MOB1B: variants seen among roughly 807,000 people sequenced by gnomAD.
MOB1B encodes the protein MOB kinase activator 1B.
MOB1B carries 19 observed loss-of-function variants against 24.4 expected under a neutral mutation model. The ratio of observed to expected loss-of-function variants is 0.78; its 90% CI spans 0.54 to 1.14. The LOEUF (loss-of-function observed/expected upper bound fraction) is 1.14. Ranked by LOEUF, MOB1B falls within the 50% of genes most tolerant of loss-of-function variation. MOB1B has a pLI of 0.00. For missense variants in MOB1B, 243 were observed against 259.6 expected (o/e 0.94, Z 0.44); for synonymous variants, 76 against 82.1 (o/e 0.93, Z 0.40).
chr4:70,923,013 T>C (rs1051824843), intron 1 of MOB1B, among the ~76,000 whole-genome samples: 1 of 152,100 alleles, frequency 6.6e-6, no homozygotes, highest in Non-Finnish European at 1.5e-5. Flanking sequence ...AGTTTGATTA[T>C]TAAAGGCCAA....
intron 2 of MOB1B, among the ~76,000 whole-genome samples, chr4:70,969,520 A>G (rs138728486): frequency 9.2e-5 from 14 of 152,254 alleles, no homozygotes; most frequent in African/African-American, 3.1e-4. Context: ...GCATCTCACT[A>G]TCATTTCAAT....
chr4:70,910,475 A>G (rs983728680), intron 1 of MOB1B, among the ~76,000 whole-genome samples: 2 of 151,660 alleles, frequency 1.3e-5, no homozygotes, highest in Non-Finnish European at 2.9e-5. Flanking sequence ...ATCTATATAT[A>G]TATTTTTTTC....
chr4:70,928,478 G>A (rs1736745031), intron 1 of MOB1B, among the ~76,000 whole-genome samples: 1 of 151,934 alleles, frequency 6.6e-6, no homozygotes, highest in Non-Finnish European at 1.5e-5. Flanking sequence ...TGTATTTTTA[G>A]TAGAGATGGA....
intron 1 of MOB1B, among the ~76,000 whole-genome samples, chr4:70,912,283 ATT>A (rs57359101): frequency 4.6e-4 from 66 of 142,846 alleles, no homozygotes; most frequent in Non-Finnish European, 4.5e-4. Flanking sequence ...TTTAAATTAA[ATT>A]TTTTTTTTTT....
At chr4:70,964,652 G>A (rs1433212097) in intron 2 of MOB1B, among the ~76,000 whole-genome samples, 2 of 152,292 alleles carry the variant, frequency 1.3e-5, no homozygotes, top group South Asian at 2.1e-4. Context: ...AGGTGAGGCC[G>A]GGTGCGGTGG....
chr4:70,944,478 C>T (rs1161939485), intron 1 of MOB1B, among the ~76,000 whole-genome samples: 1 of 152,070 alleles, frequency 6.6e-6, no homozygotes, highest in African/African-American at 2.4e-5. Flanking sequence ...ATTGACAACT[C>T]GTTTTATTGG....
chr4:70,950,218 CT>C (rs1737746358), intron 1 of MOB1B, among the ~76,000 whole-genome samples: 1 of 151,822 alleles, frequency 6.6e-6, no homozygotes, highest in East Asian at 1.9e-4. Flanking sequence ...GGCAGATCTC[CT>C]GAGGTCAGGA....
intron 1 of MOB1B, among the ~76,000 whole-genome samples, chr4:70,945,119 T>G (rs1266937294): frequency 6.6e-6 from 1 of 152,210 alleles, no homozygotes; most frequent in Non-Finnish European, 1.5e-5. Flanking sequence ...GTCATTCTTG[T>G]ACCCAGACTA....
intron 1 of MOB1B, among the ~76,000 whole-genome samples, chr4:70,942,580 G>A (rs1431465248): frequency 2.0e-5 from 3 of 152,072 alleles, no homozygotes; most frequent in African/African-American, 7.2e-5. Flanking sequence ...CTAAACTGTA[G>A]TTTTTAATTG....
intron 1 of MOB1B, among the ~76,000 whole-genome samples, chr4:70,957,189 G>A (rs1206086412): frequency 7.6e-6 from 1 of 132,426 alleles, no homozygotes; most frequent in African/African-American, 2.9e-5. Context: ...TAACATTAAA[G>A]TTTTCCCACT....
intron 2 of MOB1B, among the ~76,000 whole-genome samples, chr4:70,961,086 GATAAAGCTTAATTC>G (rs1341971631): frequency 6.6e-6 from 1 of 152,020 alleles, no homozygotes; most frequent in Non-Finnish European, 1.5e-5. Flanking sequence ...ACGTACCTAT[GATAAAGCTTAATTC>G]ATAAAGCTTA....
Position 70,969,909 on chromosome 4 carries a change from A to G in MOB1B, c.182-22A>G, listed in dbSNP as rs369104867. The G allele has an allele frequency of 3.8e-5, 53 of 1,409,780 alleles. 1 individual carries two copies. Among genetic ancestry groups the G allele is most frequent in the Admixed American group, 1.1e-4 (6 of 55,398 alleles). The allele number at this position is 1,409,780 out of a possible 1,614,324, so 87.3% of individuals were successfully genotyped here. ...TAAATTTAGCCATTCTGTTTTACTT[A>G]CAACTGATACTTGCTTTACAGCTGT... On this transcript the variant is annotated intron_variant, in intron 2 of 5. Coordinates refer to ENST00000309395, the MANE Select transcript of MOB1B (RefSeq NM_173468.4).
intron 2 of MOB1B, among the ~76,000 whole-genome samples, chr4:70,960,014 G>C (rs1738238516): frequency 6.6e-6 from 1 of 152,078 alleles, no homozygotes; most frequent in South Asian, 2.1e-4. Context: ...CTCCTGAGTA[G>C]CTGGGATTAT....
chr4:70,965,070 G>T (rs1218549968), intron 2 of MOB1B, among the ~76,000 whole-genome samples: 7 of 151,978 alleles, frequency 4.6e-5, no homozygotes, highest in Non-Finnish European at 1.0e-4. Context: ...GGCCGAGGTA[G>T]GTGGATACTT....
rs149840362 is a variant in MOB1B at position 70,976,413 on chromosome 4, T to C, written c.409+1127T>C. The C allele has an allele frequency of 4.6e-4, 452 of 985,370 alleles. 3 individuals carry two copies. The African/African-American group carries it at 7.2e-3, about 16-fold the overall frequency. The allele number at this position is 985,370 out of a possible 1,614,324, so 61.0% of individuals were successfully genotyped here. A position where few individuals can be genotyped will look rare whatever the true frequency, so the allele number is the denominator to read the frequency against. ...TCTTACAGATTCAGATATTAAGCTATGTGAGAAGAAAACAAGATTTGAGGG... is the reference window on the plus strand; with the variant it reads ...TCTTACAGATTCAGATATTAAGCTACGTGAGAAGAAAACAAGATTTGAGGG... On this transcript the variant is annotated intron_variant, in intron 4 of 5. Transcript: ENST00000309395.
intron 1 of MOB1B, among the ~76,000 whole-genome samples, chr4:70,950,449 AGAAT>A (rs1294681035): frequency 6.0e-5 from 9 of 149,062 alleles, no homozygotes; most frequent in Admixed American, 2.7e-4. Context: ...AAAAAAAAAA[AGAAT>A]GGTCTTTAGA....
intron 2 of MOB1B, among the ~76,000 whole-genome samples, chr4:70,968,456 C>CTA (rs1738624998): frequency 6.6e-6 from 1 of 152,120 alleles, no homozygotes; most frequent in African/African-American, 2.4e-5. Flanking sequence ...GGATTACAGG[C>CTA]ATGCGCCACC....
intron 1 of MOB1B, among the ~76,000 whole-genome samples, chr4:70,929,884 C>T (rs992675288): frequency 2.0e-5 from 3 of 151,780 alleles, no homozygotes; most frequent in Middle Eastern, 3.2e-3. Context: ...CCGCCCGCCT[C>T]GGCCTCCCTT....
chr4:70,953,349 C>T (rs1737891206), intron 1 of MOB1B, among the ~76,000 whole-genome samples: 1 of 152,044 alleles, frequency 6.6e-6, no homozygotes, highest in Non-Finnish European at 1.5e-5. Flanking sequence ...AGGAGAAAAC[C>T]TAACAAAGAT....
Sources: allele counts gnomAD v4.1 joint callset (sites outside exome capture counted in the v4.1 genomes callset), GRCh38; gene constraint gnomAD v4.1.1; transcripts MANE v1.5; gene names NCBI Gene and HGNC (gene_info 2026-07-23, HGNC 2026-07-21).